Variants in NKAIN3 observed in about 807,000 individuals in gnomAD.
NKAIN3 encodes the protein sodium/potassium-transporting ATPase subunit beta-1-interacting protein 3.
Under a neutral mutation model 30.2 loss-of-function variants are expected in NKAIN3, and 25 were observed. The ratio of observed to expected loss-of-function variants is 0.83; its 90% confidence interval spans 0.60 to 1.16. The LOEUF (loss-of-function observed/expected upper bound fraction) is 1.16. NKAIN3 is among the 50% of genes most tolerant of loss of function. NKAIN3 has a pLI of 0.00. For synonymous variants in NKAIN3, 91 were observed against 89.6 expected (o/e 1.02, Z -0.09); for missense variants, 225 against 254.1 (o/e 0.89, Z 0.78).
At chr8:62,589,995 A>G (rs966806844) in intron 3 of NKAIN3, among the ~76,000 whole-genome samples, 1 of 151,264 alleles carries the variant, frequency 6.6e-6, no homozygotes, top group Non-Finnish European at 1.5e-5. Flanking sequence ...TGTTAATATC[A>G]TGGAACTTCA....
intron 1 of NKAIN3, among the ~76,000 whole-genome samples, chr8:62,525,228 C>T (rs1808267125): frequency 6.6e-6 from 1 of 152,114 alleles, no homozygotes; most frequent in African/African-American, 2.4e-5. Flanking sequence ...CACAAGGATG[C>T]ATACTTAAAA....
In NKAIN3 at chr8:62,970,388, C is replaced by T. The variant is rs546039185; in HGVS notation, c.*4981C>T. ...TTATTGAAGACTAAAAAGAAAAATG[C>T]CACTTCTTGAAGGTGGATACAGCTT... On this transcript the variant is annotated 3_prime_UTR_variant, in exon 7 of 7. Coordinates refer to ENST00000623646, the MANE Select transcript of NKAIN3 (RefSeq NM_001304533.3). Among the ~76,000 whole-genome samples, 4 of 152,222 alleles carry T rather than the reference C, an allele frequency of 2.6e-5. No homozygotes were observed. Among genetic ancestry groups the T allele is most frequent in the Admixed American group, 6.5e-5 (1 of 15,286 alleles).
intron 1 of NKAIN3, among the ~76,000 whole-genome samples, chr8:62,277,328 A>C (rs1341753393): frequency 6.6e-6 from 1 of 152,102 alleles, no homozygotes; most frequent in East Asian, 1.9e-4. Context: ...ATTTTTAAGC[A>C]TCTGGCTTTT....
chr8:62,915,895 A>G (rs892424210), intron 4 of NKAIN3, among the ~76,000 whole-genome samples: 25 of 152,330 alleles, frequency 1.6e-4, no homozygotes, highest in South Asian at 4.1e-4. Flanking sequence ...TGAGCAAAAA[A>G]CCTCTGAGGT....
intron 5 of NKAIN3, among the ~76,000 whole-genome samples, chr8:62,943,568 GA>G (rs1382554421): frequency 6.8e-6 from 1 of 147,398 alleles, no homozygotes; most frequent in Non-Finnish European, 1.5e-5. Context: ...GTCATTATAC[GA>G]AAAAGACACT....
At chr8:62,729,716 C>A (rs1815407588) in intron 3 of NKAIN3, among the ~76,000 whole-genome samples, 1 of 152,044 alleles carries the variant, frequency 6.6e-6, no homozygotes, top group African/African-American at 2.4e-5. Context: ...TCAGAGATTA[C>A]CCTTTTTAAT....
At chr8:62,726,233 G>C (rs753091777) in intron 3 of NKAIN3, among the ~76,000 whole-genome samples, 8 of 151,828 alleles carry the variant, frequency 5.3e-5, no homozygotes, top group Non-Finnish European at 7.4e-5. Flanking sequence ...GAGTCTTTAG[G>C]TTTTTTCTAA....
At chr8:62,463,360 A>T (rs1806054436) in intron 1 of NKAIN3, among the ~76,000 whole-genome samples, 1 of 152,226 alleles carries the variant, frequency 6.6e-6, no homozygotes, top group Non-Finnish European at 1.5e-5. Flanking sequence ...CTTGGAATGC[A>T]CAGGTACTTA....
intron 1 of NKAIN3, chr8:62,482,772 A>G (rs915106723): frequency 2.0e-5 from 3 of 152,208 alleles, no homozygotes; most frequent in African/African-American, 7.2e-5. Flanking sequence ...TCAATCATGC[A>G]CTGACATCAG....
intron 4 of NKAIN3, among the ~76,000 whole-genome samples, chr8:62,911,630 G>T (rs544808282): frequency 1.3e-5 from 2 of 152,042 alleles, no homozygotes; most frequent in Non-Finnish European, 2.9e-5. Flanking sequence ...CTGCCTGGCT[G>T]CTGCTTGGTC....
chr8:62,481,089 G>T (rs1806704554), intron 1 of NKAIN3, among the ~76,000 whole-genome samples: 1 of 152,096 alleles, frequency 6.6e-6, no homozygotes, highest in African/African-American at 2.4e-5. Flanking sequence ...GTCATTTCAT[G>T]TTTATTGATT....
chr8:62,488,008 A>T (rs1353051173), intron 1 of NKAIN3, among the ~76,000 whole-genome samples: 1 of 152,174 alleles, frequency 6.6e-6, no homozygotes, highest in Non-Finnish European at 1.5e-5. Context: ...AGGCAGATTT[A>T]CTGGTCCATT....
chr8:62,418,256 C>G (rs1331802485), intron 1 of NKAIN3, among the ~76,000 whole-genome samples: 3 of 152,134 alleles, frequency 2.0e-5, no homozygotes, highest in African/African-American at 7.2e-5. Flanking sequence ...GCAAGTGAAT[C>G]TAAGGTGTGA....
At position 62,249,063 on chromosome 8, in the gene NKAIN3, C is replaced by G; in HGVS notation, c.-11C>G. 6.5e-7 allele frequency: 1 copy of G among 1,535,260 alleles called. No individual in the cohort carries two copies. ...TCTGGCAGTCAGCGCCGCTCGGACG[C>G]CGCCGGCACCATGGGCTGCTGCACC... On this transcript the variant is annotated 5_prime_UTR_variant, in exon 1 of 7. Transcript: ENST00000623646.
At chr8:62,611,229 T>C (rs1462144638) in intron 3 of NKAIN3, among the ~76,000 whole-genome samples, 2 of 152,190 alleles carry the variant, frequency 1.3e-5, no homozygotes, top group Non-Finnish European at 2.9e-5. Context: ...CATTAGATTA[T>C]TTGATACAGG....
At chr8:62,367,854 G>A (rs897550360) in intron 1 of NKAIN3, among the ~76,000 whole-genome samples, 3 of 152,006 alleles carry the variant, frequency 2.0e-5, no homozygotes, top group Non-Finnish European at 4.4e-5. Flanking sequence ...CAGACTCTGA[G>A]AACTAGTAAA....
chr8:62,734,890 A>G (rs900813319), intron 3 of NKAIN3, among the ~76,000 whole-genome samples: 1 of 152,200 alleles, frequency 6.6e-6, no homozygotes, highest in Admixed American at 6.5e-5. Flanking sequence ...AAAATTCTTC[A>G]CTGATAATTG....
At chr8:62,623,539 A>G (rs968041786) in intron 3 of NKAIN3, among the ~76,000 whole-genome samples, 4 of 152,028 alleles carry the variant, frequency 2.6e-5, no homozygotes, top group African/African-American at 9.7e-5. Context: ...ATCAATTAAG[A>G]ATAATAAAAA....
chr8:62,863,491 C>A, intron 4 of NKAIN3: 2 of 1,540,826 alleles, frequency 1.3e-6, no homozygotes, highest in Non-Finnish European at 1.8e-6. Flanking sequence ...CTTCAGACAA[C>A]GTACTGGGTG....
Sources: allele counts gnomAD v4.1 joint callset (sites outside exome capture counted in the v4.1 genomes callset), GRCh38; gene constraint gnomAD v4.1.1; transcripts MANE v1.5; gene names NCBI Gene and HGNC (gene_info 2026-07-23, HGNC 2026-07-21).